The following SLC27A6 variants were observed in gnomAD, a reference collection of about 807,000 sequenced individuals.
The protein encoded by SLC27A6 is long-chain fatty acid transport protein 6.
SLC27A6 carries 74 observed loss-of-function variants against 63.9 expected under a neutral mutation model. That is an observed-to-expected ratio of 1.16 (90% CI 0.96 to 1.40). SLC27A6 has a LOEUF of 1.40. Among genes scored for constraint, SLC27A6 ranks in the 40% most tolerant of loss-of-function variants. SLC27A6 has a pLI of 0.00. For synonymous variants in SLC27A6, 287 were observed against 260.8 expected (o/e 1.10, Z -0.97); for missense variants, 794 against 732.9 (o/e 1.08, Z -0.96).
At chr5:128,970,532 T>C (rs1263269200) in intron 1 of SLC27A6, among the ~76,000 whole-genome samples, 1 of 152,218 alleles carries the variant, frequency 6.6e-6, no homozygotes, top group African/African-American at 2.4e-5. Context: ...CTAGATTTTC[T>C]AGTTTATTTG....
chr5:128,988,225 T>C (rs3886288), intron 2 of SLC27A6, among the ~76,000 whole-genome samples: 36,864 of 152,074 alleles, frequency 0.24, 5,139 homozygotes, highest in Non-Finnish European at 0.31. Flanking sequence ...AAAGACATTT[T>C]CAGGCACATA....
chr5:129,001,426 C>A (rs1751328565), intron 4 of SLC27A6, among the ~76,000 whole-genome samples: 1 of 152,130 alleles, frequency 6.6e-6, no homozygotes, highest in Non-Finnish European at 1.5e-5. Context: ...GTGAAGAAAG[C>A]AAACTGTTGG....
At chr5:129,005,250 C>T (rs1051303038) in intron 4 of SLC27A6, among the ~76,000 whole-genome samples, 1 of 152,142 alleles carries the variant, frequency 6.6e-6, no homozygotes, top group Non-Finnish European at 1.5e-5. Context: ...CGATTTTCTC[C>T]ACTACAAATA....
intron 4 of SLC27A6, among the ~76,000 whole-genome samples, chr5:129,009,344 A>G (rs1020822457): frequency 2.0e-5 from 3 of 152,014 alleles, no homozygotes; most frequent in Non-Finnish European, 4.4e-5. Context: ...TATGTATTCT[A>G]CTATTTCTTG....
intron 4 of SLC27A6, among the ~76,000 whole-genome samples, chr5:129,006,071 G>GTTTTTTTTTTTTGTTTTTTTTT (rs1751514544): frequency 5.0e-5 from 3 of 60,148 alleles, no homozygotes; most frequent in Admixed American, 2.7e-4. Context: ...TGTGCACACT[G>GTTTTTTTTTTTTGTTTTTTTTT]TTTTTTTTTT....
intron 5 of SLC27A6, among the ~76,000 whole-genome samples, chr5:129,022,866 A>G (rs1265430454): frequency 6.6e-6 from 1 of 152,148 alleles, no homozygotes; most frequent in African/African-American, 2.4e-5. Context: ...GGACTAAACC[A>G]GTCTGCAGTT....
intron 2 of SLC27A6, among the ~76,000 whole-genome samples, chr5:128,988,322 G>C (rs1750861221): frequency 6.6e-6 from 1 of 152,152 alleles, no homozygotes; most frequent in Non-Finnish European, 1.5e-5. Flanking sequence ...TTAATTTCTA[G>C]AATCTTAGAT....
chr5:128,997,859 C>A (rs1244306993), intron 4 of SLC27A6, among the ~76,000 whole-genome samples: 1 of 152,118 alleles, frequency 6.6e-6, no homozygotes, highest in Admixed American at 6.5e-5. Context: ...AGCCATAATT[C>A]TTCTCTTTAT....
chr5:128,968,673 A>G (rs903844410), intron 1 of SLC27A6, among the ~76,000 whole-genome samples: 1 of 152,212 alleles, frequency 6.6e-6, no homozygotes, highest in African/African-American at 2.4e-5. Flanking sequence ...GCCATTTGTC[A>G]GATGGGTAGA....
At position 128,988,647 on chromosome 5, in the gene SLC27A6, T is replaced by C. The variant is rs1221862668; in HGVS notation, c.733T>C (p.Ser245Pro). ...VISQLQVLRG[S>P]AVLWAFGCTA... ...TAGTCAGCTGCAGGTTTTAAGGGGTTCTGCTGTCCTGTGGGCTTTTGGTTG... is the reference window on the plus strand; with the variant it reads ...TAGTCAGCTGCAGGTTTTAAGGGGTCCTGCTGTCCTGTGGGCTTTTGGTTG... The change falls in exon 3 of 10, where the codon TCT becomes CCT. Residue 245 changes from serine to proline, a missense_variant. Coordinates refer to ENST00000262462, the MANE Select transcript of SLC27A6 (RefSeq NM_001017372.3). 1.2e-6 allele frequency: 2 copies of C among 1,614,148 alleles called. No homozygotes were observed. The highest frequency in any genetic ancestry group is 1.7e-6 in the Non-Finnish European group (2 of 1,179,994).
In SLC27A6 at chr5:129,015,886, GAGA is replaced by G; in HGVS notation, c.974_976del (p.Glu325del). On this transcript the variant is annotated inframe_deletion and splice_region_variant, in exon 5 of 10. Coordinates refer to ENST00000262462, the MANE Select transcript of SLC27A6 (RefSeq NM_001017372.3). Reference sequence around the variant, plus strand: ...AAGTAAAACATTTTCTTCTAACAGAGAGAAGGAGAAAAGGATCATAAGGTGCGT... The same window carrying G: ...AAGTAAAACATTTTCTTCTAACAGAGAGGAGAAAAGGATCATAAGGTGCGT... The G allele has an allele frequency of 4.4e-6, 7 of 1,573,404 alleles. No homozygotes were observed. In the South Asian group the frequency reaches 6.0e-5, roughly 14 times the overall value.
Position 129,023,724 on chromosome 5 carries a change from T to C in SLC27A6, c.1255+14T>C. 6.4e-7 allele frequency: 1 copy of C among 1,563,852 alleles called. No homozygotes were observed. The highest frequency in any genetic ancestry group is 8.8e-7 in the Non-Finnish European group (1 of 1,138,230). On this transcript the variant is annotated intron_variant, in intron 6 of 9. Coordinates refer to ENST00000262462, the MANE Select transcript of SLC27A6 (RefSeq NM_001017372.3). ...ATGTGAAAAAAGGTAAGACTTCTAT[T>C]TGAAGACATCTCCTCAAGCAAAGTT...
In SLC27A6 at chr5:129,002,885, G is replaced by A. The variant is rs1369339858; in HGVS notation, c.969+12421G>A. ...TTCTCTCTTTGTTTCGCCTGACCTG[G>A]CAGCCCACATGGGTTTTGCTGCTGT... On this transcript the variant is annotated intron_variant, in intron 4 of 9. Coordinates refer to ENST00000262462, the MANE Select transcript of SLC27A6 (RefSeq NM_001017372.3). Among the ~76,000 whole-genome samples, 6 of 152,118 alleles carry A rather than the reference G, an allele frequency of 3.9e-5. 1 individual carries two copies. Among genetic ancestry groups the A allele is most frequent in the Admixed American group, 1.3e-4 (2 of 15,270 alleles).
Position 128,985,247 on chromosome 5 carries a change from C to T in SLC27A6, c.596C>T (p.Thr199Ile). The change falls in exon 2 of 10, where the codon ACC (threonine) becomes ATC (isoleucine). Residue 199 changes from threonine to isoleucine, a missense_variant. Physicochemically the swap from Thr to Ile is moderately conservative, Grantham distance 89. Coordinates refer to ENST00000262462, the MANE Select transcript of SLC27A6 (RefSeq NM_001017372.3). Reference sequence around the variant, plus strand: ...ATTTCACTCAAAGAAAAACTGAGCACCTCACCTGATGAGCCCGTGCCACGC... The same window carrying T: ...ATTTCACTCAAAGAAAAACTGAGCATCTCACCTGATGAGCCCGTGCCACGC... ...GVISLKEKLS[T>I]SPDEPVPRSH... 1 of 1,614,064 alleles carries T rather than the reference C, an allele frequency of 6.2e-7. No homozygotes were observed. The highest frequency in any genetic ancestry group is 8.5e-7 in the Non-Finnish European group (1 of 1,179,978).
In SLC27A6 at chr5:129,030,838, G is replaced by A. The variant is rs76895120; in HGVS notation, c.1683+1131G>A. Among the ~76,000 whole-genome samples, 424 of 151,984 alleles carry A rather than the reference G, an allele frequency of 2.8e-3. 1 individual carries two copies. The highest frequency in any genetic ancestry group is 9.5e-3 in the African/African-American group (395 of 41,460). On this transcript the variant is annotated intron_variant, in intron 9 of 9. Transcript: ENST00000262462. Reference sequence around the variant, plus strand: ...GCTTTACTTACACTTATATGTGTGCGTATATTTTCTATACAGTTTTATCAC... The same window carrying A: ...GCTTTACTTACACTTATATGTGTGCATATATTTTCTATACAGTTTTATCAC...
At position 128,976,237 on chromosome 5, in the gene SLC27A6, G is replaced by A. The variant is rs190180885; in HGVS notation, c.482-8896G>A. 1.3e-3 allele frequency among the ~76,000 whole-genome samples: 192 copies of A among 152,256 alleles called. 1 individual carries two copies. Among genetic ancestry groups the A allele is most frequent in the South Asian group, 6.2e-4 (3 of 4,820 alleles). ...TATAAAACTTAAAGGGGGCCAGCGC[G>A]GTGGCTCATGCCTGTAATCCCAGAA... On this transcript the variant is annotated intron_variant, in intron 1 of 9. Coordinates refer to ENST00000262462, the MANE Select transcript of SLC27A6 (RefSeq NM_001017372.3).
chr5:129,001,240 A>G (rs930542423), intron 4 of SLC27A6, among the ~76,000 whole-genome samples: 7 of 152,014 alleles, frequency 4.6e-5, no homozygotes, highest in African/African-American at 1.7e-4. Context: ...CTCTCCCCAC[A>G]CCACTCCTTT....
chr5:129,023,002 A>G (rs1297058402), intron 5 of SLC27A6, among the ~76,000 whole-genome samples: 2 of 152,020 alleles, frequency 1.3e-5, no homozygotes, highest in Admixed American at 6.6e-5. Flanking sequence ...ATGCGATGGG[A>G]GTTTTCTAAT....
At chr5:128,975,691 C>T (rs933916264) in intron 1 of SLC27A6, among the ~76,000 whole-genome samples, 3 of 152,138 alleles carry the variant, frequency 2.0e-5, no homozygotes, top group Admixed American at 2.0e-4. Flanking sequence ...AAGTTAATGA[C>T]AGAGTTAGGA....
Sources: allele counts gnomAD v4.1 joint callset (sites outside exome capture counted in the v4.1 genomes callset), GRCh38; gene constraint gnomAD v4.1.1; transcripts MANE v1.5; gene names NCBI Gene and HGNC (gene_info 2026-07-23, HGNC 2026-07-21).